CDH6: variants seen among roughly 807,000 people sequenced by gnomAD.
CDH6 encodes the protein cadherin-6.
CDH6 carries 31 observed loss-of-function variants against 78.0 expected under a neutral mutation model. The ratio of observed to expected loss-of-function variants is 0.40; its 90% CI spans 0.30 to 0.54. The LOEUF (loss-of-function observed/expected upper bound fraction) is 0.54. Among genes scored for constraint, CDH6 ranks in the 20% least tolerant of loss-of-function variants. CDH6 has a pLI of 0.56. For missense variants in CDH6, 724 were observed against 975.9 expected, an observed-to-expected ratio of 0.74 and a Z score of 3.44; for synonymous variants, 376 against 368.8, an observed-to-expected ratio of 1.02 and a Z score of -0.23.
In CDH6 at chr5:31,267,658, T is replaced by C; in HGVS notation, c.185T>C (p.Leu62Pro). The change falls in exon 2 of 12, where the codon CTC becomes CCC. Residue 62 changes from leucine (L) to proline (P), a missense_variant. Physicochemically the swap from Leu to Pro is moderately conservative, Grantham distance 98. Coordinates refer to ENST00000265071, the MANE Select transcript of CDH6 (RefSeq NM_004932.4). Reference protein sequence around the residue: ...KRSWMWNQFFLLEEYTGSDYQ... With the variant: ...KRSWMWNQFFPLEEYTGSDYQ... ...AGCTGGATGTGGAATCAGTTCTTTC[T>C]CCTGGAGGAATACACAGGATCCGAT... 6.2e-7 allele frequency: 1 copy of C among 1,614,168 alleles called. No individual in the cohort carries two copies. The highest frequency in any genetic ancestry group is 8.5e-7 in the Non-Finnish European group (1 of 1,180,026).
At chr5:31,276,631 T>C (rs1162950670) in intron 2 of CDH6, among the ~76,000 whole-genome samples, 1 of 152,186 alleles carries the variant, frequency 6.6e-6, no homozygotes, top group Non-Finnish European at 1.5e-5. Flanking sequence ...ATGGCCTTTT[T>C]GGAATAGATT....
At chr5:31,296,872 G>GT (rs1737624327) in intron 3 of CDH6, among the ~76,000 whole-genome samples, 1 of 152,100 alleles carries the variant, frequency 6.6e-6, no homozygotes, top group South Asian at 2.1e-4. Flanking sequence ...AAGAAAAAGA[G>GT]TATCTATGAC....
chr5:31,268,812 A>G (rs1167753165), intron 2 of CDH6, among the ~76,000 whole-genome samples: 2 of 152,208 alleles, frequency 1.3e-5, no homozygotes, highest in Non-Finnish European at 2.9e-5. Flanking sequence ...TATTCTCTTT[A>G]AGTATTTACC....
chr5:31,265,547 C>A lies in CDH6; in HGVS notation c.-128-1799C>A, dbSNP rs184701404. Among the ~76,000 whole-genome samples the A allele has an allele frequency of 1.5e-3, 230 of 152,148 alleles. 1 individual carries two copies. The highest frequency in any genetic ancestry group is 4.7e-3 in the African/African-American group (196 of 41,500). On this transcript the variant is annotated intron_variant, in intron 1 of 11. Coordinates refer to ENST00000265071, the MANE Select transcript of CDH6 (RefSeq NM_004932.4). ...AATTACTCATTGCTGGAGTGTAAAA[C>A]AAACAAAAACCTTGTCACATATACA...
chr5:31,302,561 A>G (rs1561065513), intron 6 of CDH6: 2 of 276,454 alleles, frequency 7.2e-6, no homozygotes, highest in Non-Finnish European at 1.4e-5. Context: ...AAAAATACAA[A>G]AATTAGCCAG....
At chr5:31,264,117 G>T (rs1742280179) in intron 1 of CDH6, among the ~76,000 whole-genome samples, 7 of 152,144 alleles carry the variant, frequency 4.6e-5, no homozygotes. Flanking sequence ...CTGAATTGAA[G>T]TCCACACAAA....
In CDH6 at chr5:31,317,881, G is replaced by T; in HGVS notation, c.1839G>T (p.Thr613=). ...TCATCCACCCCACGGGACTGAGCAC[G>T]GGGGCTCTGGTTGCCATCCTTCTGT... ...EALIHPTGLS[T]GALVAILLCI... Residue 613 remains threonine, a synonymous_variant, in exon 11 of 12, where the codon ACG becomes ACT. Coordinates refer to ENST00000265071, the MANE Select transcript of CDH6 (RefSeq NM_004932.4). 6.2e-7 allele frequency: 1 copy of T among 1,613,654 alleles called. No homozygotes were observed. Among genetic ancestry groups the T allele is most frequent in the African/African-American group, 1.3e-5 (1 of 75,046 alleles).
intron 7 of CDH6, among the ~76,000 whole-genome samples, 158 bp downstream of exon 7, chr5:31,305,585 G>T (rs1737969341): frequency 1.3e-5 from 2 of 152,202 alleles, no homozygotes; most frequent in South Asian, 2.1e-4. Context: ...AACTCTCTTT[G>T]CTCACTGCAT....
At chr5:31,293,840 A>C in intron 2 of CDH6, 122 bp from the exon 3 acceptor site, 1 of 576,224 alleles carries the variant, frequency 1.7e-6, no homozygotes, top group Non-Finnish European at 2.9e-6. Context: ...TAAAAAAAAA[A>C]AAACTTGTAT....
chr5:31,253,386 G>A (rs1236730048), intron 1 of CDH6, among the ~76,000 whole-genome samples: 1 of 152,194 alleles, frequency 6.6e-6, no homozygotes, highest in African/African-American at 2.4e-5. Flanking sequence ...ATCATGTGAA[G>A]AAGGACATGT....
intron 11 of CDH6, among the ~76,000 whole-genome samples, chr5:31,320,450 A>T (rs916027233): frequency 3.9e-5 from 6 of 152,282 alleles, no homozygotes; most frequent in South Asian, 2.1e-4. Context: ...GCCTTACGTG[A>T]CTGAATGAGC....
chr5:31,202,825 A>G (rs1277114809), intron 1 of CDH6, among the ~76,000 whole-genome samples: 1 of 151,676 alleles, frequency 6.6e-6, no homozygotes. Context: ...AACTATATGT[A>G]TATATACACA....
chr5:31,241,286 C>G (rs899778208), intron 1 of CDH6, among the ~76,000 whole-genome samples: 1 of 151,086 alleles, frequency 6.6e-6, no homozygotes, highest in Non-Finnish European at 1.5e-5. Flanking sequence ...CCTGACTGTA[C>G]AGTTTCCTAA....
intron 10 of CDH6, 47 bp from the exon 11 acceptor site, chr5:31,317,626 A>G (rs759365335): frequency 1.3e-6 from 2 of 1,586,160 alleles, no homozygotes; most frequent in Non-Finnish European, 1.7e-6. Context: ...GATTTAATAC[A>G]TGACGCAGTA....
intron 1 of CDH6, among the ~76,000 whole-genome samples, chr5:31,245,357 GTT>G (rs1292292524): frequency 6.6e-6 from 1 of 152,126 alleles, no homozygotes. Flanking sequence ...CCATCACTGA[GTT>G]TGTCCTTATT....
Position 31,226,558 on chromosome 5 carries a change from G to A in CDH6, c.-129+32672G>A, listed in dbSNP as rs1198032312. Among the ~76,000 whole-genome samples, 2 of 152,234 alleles carry A rather than the reference G, an allele frequency of 1.3e-5. 1 individual carries two copies. The highest frequency in any genetic ancestry group is 4.2e-4 in the South Asian group (2 of 4,818). On this transcript the variant is annotated intron_variant, in intron 1 of 11. Transcript: ENST00000265071. Reference sequence around the variant, plus strand: ...TCTTTTCTTGGAAGAGGAACCCAGGGCACAGAGAGGTTGTGCGACTTGGCC... The same window carrying A: ...TCTTTTCTTGGAAGAGGAACCCAGGACACAGAGAGGTTGTGCGACTTGGCC...
At chr5:31,213,398 G>T (rs1740772347) in intron 1 of CDH6, among the ~76,000 whole-genome samples, 1 of 152,180 alleles carries the variant, frequency 6.6e-6, no homozygotes, top group African/African-American at 2.4e-5. Context: ...TCTCTGTCCT[G>T]TGTGGAGCTC....
intron 1 of CDH6, among the ~76,000 whole-genome samples, chr5:31,240,499 C>T (rs1353166387): frequency 3.3e-5 from 5 of 151,990 alleles, no homozygotes. Context: ...TCATTTAGGC[C>T]ACTCTTGAAG....
chr5:31,305,126 C>G, intron 6 of CDH6, 48 bp from the exon 7 acceptor site: 2 of 1,569,266 alleles, frequency 1.3e-6, no homozygotes, highest in Non-Finnish European at 1.7e-6. Flanking sequence ...CTTTCTGTGT[C>G]TTGGCTGCTT....
Sources: gnomAD v4.1 joint callset for allele counts (sites outside exome capture counted in the v4.1 genomes callset) on GRCh38, gnomAD v4.1.1 for gene constraint, MANE v1.5 for transcripts, NCBI Gene and HGNC (gene_info 2026-07-23, HGNC 2026-07-21) for gene names.